The following NEO1 variants were observed in gnomAD, a reference collection of about 807,000 sequenced individuals.
NEO1 encodes neogenin 1, also known as neogenin.
A neutral mutation model predicts 159.7 loss-of-function variants in NEO1; 63 were observed. The ratio of observed to expected loss-of-function variants is 0.39; its 90% CI spans 0.32 to 0.49. The LOEUF (loss-of-function observed/expected upper bound fraction) is 0.49. Among genes scored for constraint, NEO1 ranks in the 20% least tolerant of loss-of-function variants. The probability of loss-of-function intolerance (pLI) is 0.85; values close to 1 mark genes in which losing one functional copy is unlikely to be tolerated. For synonymous variants in NEO1, 633 were observed against 662.0 expected (o/e 0.96, Z 0.67); for missense variants, 1,615 against 1,831.0 (o/e 0.88, Z 2.15).
Position 73,110,394 on chromosome 15 carries a change from T to C in NEO1, c.131-6146T>C, listed in dbSNP as rs918561528. The stretch of plus-strand genomic sequence containing the variant: ...CTGCTACTACTAAACTTTGAACCTC[T>C]TTTGGCAATAAGACAGGTTTCATTT... On this transcript the variant is annotated intron_variant, in intron 1 of 28. Transcript: ENST00000261908. Among the ~76,000 whole-genome samples the C allele has an allele frequency of 7.9e-5, 12 of 152,342 alleles. No individual in the cohort carries two copies. The South Asian group carries it at 2.5e-3, about 32-fold the overall frequency.
intron 9 of NEO1, among the ~76,000 whole-genome samples, chr15:73,247,638 A>C (rs2039864062): frequency 6.6e-6 from 1 of 152,244 alleles, no homozygotes; most frequent in Admixed American, 6.5e-5. Context: ...GCTGTTATTC[A>C]GGAAAGCCAG....
At chr15:73,269,379 G>A (rs1451100042) in intron 16 of NEO1, among the ~76,000 whole-genome samples, 1 of 151,950 alleles carries the variant, frequency 6.6e-6, no homozygotes, top group African/African-American at 2.4e-5. Flanking sequence ...TTTGTTTTCT[G>A]AGACAGAGTC....
At chr15:73,140,419 A>AG (rs1885940146) in intron 5 of NEO1, among the ~76,000 whole-genome samples, 1 of 152,144 alleles carries the variant, frequency 6.6e-6, no homozygotes, top group Non-Finnish European at 1.5e-5. Flanking sequence ...AGCTAGGCAT[A>AG]GTGGCACACA....
chr15:73,289,286 A>G (rs1198633647), intron 25 of NEO1, 48 bp downstream of exon 25: 2 of 1,455,402 alleles, frequency 1.4e-6, no homozygotes, highest in South Asian at 1.2e-5. Flanking sequence ...CTGTTCAGTC[A>G]TGTAGGGGAA....
chr15:73,156,006 T>G (rs549662628), intron 5 of NEO1, among the ~76,000 whole-genome samples: 28 of 152,354 alleles, frequency 1.8e-4, no homozygotes, highest in African/African-American at 6.5e-4. Context: ...CCTTTGAATG[T>G]GTCATAATAT....
intron 5 of NEO1, among the ~76,000 whole-genome samples, chr15:73,169,732 G>C (rs374984345): frequency 5.3e-5 from 7 of 131,646 alleles, no homozygotes; most frequent in South Asian, 2.5e-4. Context: ...CTCAGTTCTT[G>C]CAGTTCTTTA....
chr15:73,124,711 C>T (rs1014830317), intron 3 of NEO1, among the ~76,000 whole-genome samples: 1 of 152,132 alleles, frequency 6.6e-6, no homozygotes, highest in Non-Finnish European at 1.5e-5. Context: ...TTGATTTCCA[C>T]CCCCAGTGTT....
intron 5 of NEO1, among the ~76,000 whole-genome samples, chr15:73,173,860 G>A (rs1001107019): frequency 6.6e-6 from 1 of 152,096 alleles, no homozygotes; most frequent in African/African-American, 2.4e-5. Flanking sequence ...AGCACTTTGG[G>A]AGGCCGAGGC....
intron 7 of NEO1, among the ~76,000 whole-genome samples, chr15:73,224,345 G>C (rs2038455421): frequency 6.6e-6 from 1 of 152,092 alleles, no homozygotes; most frequent in Non-Finnish European, 1.5e-5. Flanking sequence ...CTTGTATTTG[G>C]ATGTCTAGGT....
At chr15:73,084,222 A>G (rs1268223269) in intron 1 of NEO1, among the ~76,000 whole-genome samples, 1 of 152,108 alleles carries the variant, frequency 6.6e-6, no homozygotes, top group Non-Finnish European at 1.5e-5. Context: ...TATTAACTAC[A>G]CTAACCTTAT....
chr15:73,122,405 C>T, intron 2 of NEO1, 120 bp from the exon 3 acceptor site: 1 of 887,822 alleles, frequency 1.1e-6, no homozygotes, highest in Middle Eastern at 3.5e-4. Flanking sequence ...GGACTTTCTT[C>T]TCAACCCTGG....
chr15:73,282,578 A>G (rs2041774165), intron 22 of NEO1, among the ~76,000 whole-genome samples: 1 of 152,250 alleles, frequency 6.6e-6, no homozygotes, highest in South Asian at 2.1e-4. Flanking sequence ...GGTTTTGAAA[A>G]CCAGAAAACT....
chr15:73,214,352 C>T (rs1466852271), intron 7 of NEO1, among the ~76,000 whole-genome samples: 2 of 152,152 alleles, frequency 1.3e-5, no homozygotes, highest in African/African-American at 4.8e-5. Flanking sequence ...TTGCCTAAGC[C>T]AATGTCTAGA....
chr15:73,249,781 T>G, intron 11 of NEO1, 60 bp downstream of exon 11: 1 of 1,526,078 alleles, frequency 6.6e-7, no homozygotes, highest in East Asian at 2.3e-5. Flanking sequence ...GGTTTAGTTG[T>G]AAGATCATGA....
intron 1 of NEO1, among the ~76,000 whole-genome samples, chr15:73,075,780 G>C (rs2068742333): frequency 6.6e-6 from 1 of 152,142 alleles, no homozygotes; most frequent in Admixed American, 6.5e-5. Context: ...GTGTGCTTGT[G>C]TGTGTGCTTG....
chr15:73,165,079 C>T (rs973491978), intron 5 of NEO1, among the ~76,000 whole-genome samples: 1 of 150,832 alleles, frequency 6.6e-6, no homozygotes, highest in Non-Finnish European at 1.5e-5. Flanking sequence ...AGGCATGTTC[C>T]ACATGCCTGG....
chr15:73,222,593 T>A (rs1056668609), intron 7 of NEO1, among the ~76,000 whole-genome samples: 4 of 152,170 alleles, frequency 2.6e-5, no homozygotes, highest in Non-Finnish European at 5.9e-5. Context: ...GTGGTGTCAG[T>A]TTTAATTATT....
chr15:73,240,589 A>G (rs2039443788), intron 8 of NEO1, among the ~76,000 whole-genome samples: 1 of 152,224 alleles, frequency 6.6e-6, no homozygotes, highest in Non-Finnish European at 1.5e-5. Flanking sequence ...CTGTTAAGAA[A>G]GTTGTACACT....
intron 1 of NEO1, among the ~76,000 whole-genome samples, chr15:73,081,523 GA>G (rs2069044913): frequency 6.6e-6 from 1 of 151,842 alleles, no homozygotes; most frequent in South Asian, 2.1e-4. Flanking sequence ...AACATTTCCA[GA>G]ACGTAGTATG....
Sources: gnomAD v4.1 joint callset for allele counts (sites outside exome capture counted in the v4.1 genomes callset) on GRCh38, gnomAD v4.1.1 for gene constraint, MANE v1.5 for transcripts, NCBI Gene and HGNC (gene_info 2026-07-23, HGNC 2026-07-21) for gene names.